Variants in KCNAB1 observed in about 807,000 individuals in gnomAD.
KCNAB1 encodes potassium voltage-gated channel subfamily A regulatory beta subunit 1.
In KCNAB1, 35 loss-of-function variants were observed where a neutral mutation model predicts 64.6. That is an observed-to-expected ratio of 0.54 (90% CI 0.41 to 0.72). KCNAB1 has a LOEUF of 0.72. Among genes scored for constraint, KCNAB1 ranks in the 30% least tolerant of loss-of-function variants. KCNAB1 has a pLI of 0.00. For missense variants in KCNAB1, 401 were observed against 512.9 expected (o/e 0.78, Z 2.11); for synonymous variants, 177 against 183.8 (o/e 0.96, Z 0.30).
intron 4 of KCNAB1, among the ~76,000 whole-genome samples, chr3:156,458,064 C>A (rs564054116): frequency 1.3e-5 from 2 of 152,160 alleles, no homozygotes; most frequent in African/African-American, 2.4e-5. Flanking sequence ...AAGTCAGGAT[C>A]CCCCAAGATG....
intron 8 of KCNAB1, among the ~76,000 whole-genome samples, chr3:156,505,765 G>A (rs1050278686): frequency 1.3e-5 from 2 of 152,160 alleles, no homozygotes; most frequent in African/African-American, 4.8e-5. Flanking sequence ...TCTGCTTCTG[G>A]TGAGGGCCTC....
chr3:156,191,393 T>G (rs926425726), intron 1 of KCNAB1, among the ~76,000 whole-genome samples: 1 of 152,252 alleles, frequency 6.6e-6, no homozygotes, highest in African/African-American at 2.4e-5. Context: ...CCTTTGGGCT[T>G]GAGCATCACT....
Position 156,120,624 on chromosome 3 carries a change from C to G in KCNAB1, c.13C>G (p.Arg5Gly), listed in dbSNP as rs1713279261. MLAA[R>G]TGAAGSQISE... ...AAAGATCTCCACGATGCTGGCAGCC[C>G]GGACAGGGGCAGCGGGGAGTCAGAT... Residue 5 changes from arginine (R) to glycine (G), a missense_variant, in exon 1 of 14, where the codon CGG becomes GGG. Transcript: ENST00000490337. 1 of 1,614,028 alleles carries G rather than the reference C, an allele frequency of 6.2e-7. No individual in the cohort carries two copies. Among genetic ancestry groups the G allele is most frequent in the Non-Finnish European group, 8.5e-7 (1 of 1,179,940 alleles).
chr3:156,383,844 C>A (rs1268741494), intron 1 of KCNAB1, among the ~76,000 whole-genome samples: 1 of 152,148 alleles, frequency 6.6e-6, no homozygotes, highest in East Asian at 1.9e-4. Flanking sequence ...CGTTTTTCGC[C>A]CCTGAGCTGG....
At chr3:156,369,069 C>T (rs890079818) in intron 1 of KCNAB1, among the ~76,000 whole-genome samples, 4 of 152,200 alleles carry the variant, frequency 2.6e-5, no homozygotes, top group Non-Finnish European at 5.9e-5. Context: ...CACCCCCACC[C>T]ACTGCCTCCC....
chr3:156,533,220 G>A (rs1718822902), intron 13 of KCNAB1, among the ~76,000 whole-genome samples: 1 of 152,190 alleles, frequency 6.6e-6, no homozygotes, highest in African/African-American at 2.4e-5. Flanking sequence ...AGAAATGGGT[G>A]AGCCTACATT....
intron 1 of KCNAB1, among the ~76,000 whole-genome samples, chr3:156,382,909 A>C (rs1257532234): frequency 3.9e-5 from 6 of 152,368 alleles, no homozygotes; most frequent in African/African-American, 1.2e-4. Flanking sequence ...AGCCTAACCT[A>C]GCTTAGACTG....
At chr3:156,134,385 TCTTTA>T (rs1359716875) in intron 1 of KCNAB1, among the ~76,000 whole-genome samples, 1 of 152,228 alleles carries the variant, frequency 6.6e-6, no homozygotes, top group Non-Finnish European at 1.5e-5. Context: ...TAATTTGCTA[TCTTTA>T]CTTTAGGGAG....
chr3:156,348,264 A>T (rs1724619431), intron 1 of KCNAB1, among the ~76,000 whole-genome samples: 1 of 152,218 alleles, frequency 6.6e-6, no homozygotes, highest in African/African-American at 2.4e-5. Flanking sequence ...CAATGAGAAC[A>T]GAACATGCAA....
intron 1 of KCNAB1, among the ~76,000 whole-genome samples, chr3:156,322,531 A>G (rs879576682): frequency 2.0e-5 from 3 of 152,222 alleles, no homozygotes; most frequent in Non-Finnish European, 4.4e-5. Context: ...GAGACTATTT[A>G]AAGTATACAG....
At chr3:156,367,150 T>C (rs1249596442) in intron 1 of KCNAB1, among the ~76,000 whole-genome samples, 1 of 150,534 alleles carries the variant, frequency 6.6e-6, no homozygotes, top group South Asian at 2.1e-4. Flanking sequence ...TCCCTGCAAG[T>C]GGCATCTCAG....
intron 1 of KCNAB1, among the ~76,000 whole-genome samples, chr3:156,192,960 G>C (rs760569457): frequency 2.6e-5 from 4 of 151,724 alleles, no homozygotes; most frequent in African/African-American, 9.7e-5. Flanking sequence ...CTTTCTAATT[G>C]GGTTTAATTA....
At chr3:156,263,484 A>G (rs1718537431) in intron 1 of KCNAB1, among the ~76,000 whole-genome samples, 1 of 152,014 alleles carries the variant, frequency 6.6e-6, no homozygotes, top group African/African-American at 2.4e-5. Flanking sequence ...GTGTTTGAAG[A>G]ATATATTTTT....
intron 2 of KCNAB1, among the ~76,000 whole-genome samples, chr3:156,444,653 C>A (rs546942927): frequency 2.3e-4 from 35 of 152,314 alleles, no homozygotes; most frequent in Admixed American, 5.9e-4. Flanking sequence ...GTGCCAAGGG[C>A]AAGAAGCCAA....
At chr3:156,527,062 T>A (rs535475175) in intron 12 of KCNAB1, among the ~76,000 whole-genome samples, 26 of 152,156 alleles carry the variant, frequency 1.7e-4, no homozygotes, top group African/African-American at 6.3e-4. Flanking sequence ...AAGATAGAAA[T>A]GGGAGGTGAT....
intron 1 of KCNAB1, among the ~76,000 whole-genome samples, chr3:156,139,344 G>A (rs115170991): frequency 0.02 from 3,118 of 152,272 alleles, 47 homozygotes; most frequent in Middle Eastern, 0.037. Flanking sequence ...AGGACAGAAT[G>A]AGAGGGACAC....
At chr3:156,506,189 A>G (rs1716824813) in intron 8 of KCNAB1, among the ~76,000 whole-genome samples, 2 of 152,170 alleles carry the variant, frequency 1.3e-5, no homozygotes, top group East Asian at 1.9e-4. Context: ...TGCAACCTTA[A>G]TGAATTTATT....
chr3:156,429,248 T>G (rs916415777), intron 2 of KCNAB1, among the ~76,000 whole-genome samples: 1 of 152,206 alleles, frequency 6.6e-6, no homozygotes, highest in Non-Finnish European at 1.5e-5. Flanking sequence ...AACTGATATC[T>G]AGTGTACCCA....
At chr3:156,458,505 T>C (rs552263155) in intron 4 of KCNAB1, among the ~76,000 whole-genome samples, 14 of 152,312 alleles carry the variant, frequency 9.2e-5, no homozygotes, top group Admixed American at 7.8e-4. Flanking sequence ...TTGCTGGACT[T>C]GCTGAATCAG....
Sources: allele counts gnomAD v4.1 joint callset (sites outside exome capture counted in the v4.1 genomes callset), GRCh38; gene constraint gnomAD v4.1.1; transcripts MANE v1.5; gene names NCBI Gene and HGNC (gene_info 2026-07-23, HGNC 2026-07-21).